The following USP10 variants were observed in gnomAD, a reference collection of about 807,000 sequenced individuals.
USP10 encodes the protein ubiquitin carboxyl-terminal hydrolase 10.
Under a neutral mutation model 84.5 loss-of-function variants are expected in USP10, and 22 were observed. That is an observed-to-expected ratio of 0.26 (90% CI 0.19 to 0.37). The LOEUF (loss-of-function observed/expected upper bound fraction) is 0.37. Among genes scored for constraint, USP10 ranks in the 10% least tolerant of loss-of-function variants. The probability of loss-of-function intolerance (pLI) is 1.00; values close to 1 mark genes in which losing one functional copy is unlikely to be tolerated. For missense variants in USP10, 1,019 were observed against 998.9 expected, an observed-to-expected ratio of 1.02 and a Z score of -0.27; for synonymous variants, 454 against 387.6, an observed-to-expected ratio of 1.17 and a Z score of -2.01.
chr16:84,713,740 C>A (rs907116975), intron 1 of USP10, among the ~76,000 whole-genome samples: 2 of 152,180 alleles, frequency 1.3e-5, no homozygotes, highest in Non-Finnish European at 2.9e-5. Context: ...GAGAGACCAT[C>A]ACAGGAGAGT....
At chr16:84,731,482 T>G (rs997726070) in intron 1 of USP10, among the ~76,000 whole-genome samples, 1 of 152,208 alleles carries the variant, frequency 6.6e-6, no homozygotes, top group African/African-American at 2.4e-5. Context: ...ATTTCTCGAA[T>G]TCATTTTCTG....
intron 1 of USP10, among the ~76,000 whole-genome samples, chr16:84,713,204 T>C (rs1344835394): frequency 6.6e-6 from 1 of 152,214 alleles, no homozygotes; most frequent in East Asian, 1.9e-4. Flanking sequence ...TAGTTATTTA[T>C]TGAACTCAGC....
At chr16:84,725,569 T>A (rs983721184) in intron 1 of USP10, among the ~76,000 whole-genome samples, 1 of 151,728 alleles carries the variant, frequency 6.6e-6, no homozygotes, top group Non-Finnish European at 1.5e-5. Context: ...CCCGGCTAAT[T>A]TTTTTTTGTG....
Position 84,763,071 on chromosome 16 carries a change from T to C in USP10, c.1637T>C (p.Leu546Pro), listed in dbSNP as rs755662083. The C allele has an allele frequency of 1.9e-6, 3 of 1,610,972 alleles. No homozygotes were observed. Among genetic ancestry groups the C allele is most frequent in the South Asian group, 1.1e-5 (1 of 90,920 alleles). ...HEEMLNLKKL[L>P]SPSNEKLTIS... Reference sequence around the variant, plus strand: ...GAAATGTTGAACCTAAAGAAGCTTCTCTCACCAAGTAATGAAAGTAGGTTA... The same window carrying C: ...GAAATGTTGAACCTAAAGAAGCTTCCCTCACCAAGTAATGAAAGTAGGTTA... Residue 546 changes from leucine to proline, a missense_variant, in exon 9 of 14, where the codon CTC becomes CCC. By Grantham distance (98) the Leu-to-Pro change is moderately conservative. Coordinates refer to ENST00000219473, the MANE Select transcript of USP10 (RefSeq NM_005153.3).
In USP10 at chr16:84,775,240, A is replaced by G; in HGVS notation, c.2209+15A>G. 4.3e-6 allele frequency: 7 copies of G among 1,611,754 alleles called. No individual in the cohort carries two copies. The highest frequency in any genetic ancestry group is 5.9e-6 in the Non-Finnish European group (7 of 1,177,884). ...GCTCTTTGCAGGTGAGTAAATTTGT[A>G]CGACATTACTTCTTCATTAAAACAC... On this transcript the variant is annotated intron_variant, in intron 13 of 13. Coordinates refer to ENST00000219473, the MANE Select transcript of USP10 (RefSeq NM_005153.3).
chr16:84,736,406 G>A (rs1251075442), intron 2 of USP10, among the ~76,000 whole-genome samples: 2 of 152,340 alleles, frequency 1.3e-5, no homozygotes, highest in South Asian at 4.1e-4. Flanking sequence ...TGCTTGCTTG[G>A]CAGCTTGCCA....
chr16:84,712,210 T>C (rs976284939), intron 1 of USP10, among the ~76,000 whole-genome samples: 1 of 152,220 alleles, frequency 6.6e-6, no homozygotes, highest in African/African-American at 2.4e-5. Context: ...ATTCTGTAGA[T>C]GCCCTGTCCT....
At chr16:84,756,077 C>T (rs1421021274) in intron 4 of USP10, among the ~76,000 whole-genome samples, 2 of 151,598 alleles carry the variant, frequency 1.3e-5, no homozygotes, top group African/African-American at 4.8e-5. Flanking sequence ...TTGGGCTAAG[C>T]ATCCTTCCCC....
At chr16:84,769,475 A>G (rs748006248) in intron 11 of USP10, among the ~76,000 whole-genome samples, 1 of 152,214 alleles carries the variant, frequency 6.6e-6, no homozygotes, top group Non-Finnish European at 1.5e-5. Flanking sequence ...TTGGTAGTTG[A>G]CTTCAGTGAA....
At chr16:84,758,923 G>C in intron 5 of USP10, 116 bp downstream of exon 5, 4 of 760,410 alleles carry the variant, frequency 5.3e-6, no homozygotes, top group Non-Finnish European at 9.2e-6. Flanking sequence ...GAATCCCTAA[G>C]TCTGGTTTAT....
intron 1 of USP10, chr16:84,704,941 A>G (rs183039808): frequency 6.5e-6 from 10 of 1,529,442 alleles, no homozygotes; most frequent in East Asian, 2.4e-5. Flanking sequence ...TCACATGAGA[A>G]TTGTTAGGAG....
chr16:84,736,318 G>A (rs1909932043), intron 2 of USP10, among the ~76,000 whole-genome samples: 1 of 152,198 alleles, frequency 6.6e-6, no homozygotes, highest in South Asian at 2.1e-4. Flanking sequence ...AAGAAATGTG[G>A]GATGTTAAGA....
chr16:84,720,689 C>G (rs1008924560), intron 1 of USP10, among the ~76,000 whole-genome samples: 1 of 141,416 alleles, frequency 7.1e-6, no homozygotes, highest in Admixed American at 7.6e-5. Flanking sequence ...TCACGCCATT[C>G]TCCTGCCTCA....
intron 4 of USP10, among the ~76,000 whole-genome samples, chr16:84,751,531 C>G (rs918169923): frequency 2.0e-5 from 3 of 152,206 alleles, no homozygotes; most frequent in African/African-American, 7.2e-5. Context: ...TAGTCCACAT[C>G]TGATTCGATG....
At chr16:84,767,915 G>C (rs1233799449) in intron 10 of USP10, among the ~76,000 whole-genome samples, 1 of 152,152 alleles carries the variant, frequency 6.6e-6, no homozygotes, top group Non-Finnish European at 1.5e-5. Context: ...CCTAGGCAGA[G>C]GACCCTGCGG....
chr16:84,701,939 T>TC (rs1408361467), intron 1 of USP10, among the ~76,000 whole-genome samples: 1 of 93,892 alleles, frequency 1.1e-5, no homozygotes, highest in African/African-American at 3.4e-5. Context: ...TTCTTCTTCT[T>TC]TTTTTTTTTT....
At chr16:84,755,925 C>G (rs1912481845) in intron 4 of USP10, among the ~76,000 whole-genome samples, 1 of 152,146 alleles carries the variant, frequency 6.6e-6, no homozygotes, top group Non-Finnish European at 1.5e-5. Flanking sequence ...AAAAAATAAC[C>G]TGCTCATCTG....
intron 3 of USP10, among the ~76,000 whole-genome samples, chr16:84,744,151 T>C (rs1405065170): frequency 6.6e-6 from 1 of 152,168 alleles, no homozygotes; most frequent in African/African-American, 2.4e-5. Flanking sequence ...TAGGATTCTT[T>C]GCGTAGTTCA....
intron 11 of USP10, among the ~76,000 whole-genome samples, chr16:84,769,491 TAAG>T (rs1914202133): frequency 6.6e-6 from 1 of 152,284 alleles, no homozygotes; most frequent in African/African-American, 2.4e-5. Flanking sequence ...GTGAATGAGC[TAAG>T]AAGAGTCTGG....
Sources: allele counts gnomAD v4.1 joint callset (sites outside exome capture counted in the v4.1 genomes callset), GRCh38; gene constraint gnomAD v4.1.1; transcripts MANE v1.5; gene names NCBI Gene and HGNC (gene_info 2026-07-23, HGNC 2026-07-21).